The following SEZ6L variants were observed in gnomAD, a reference collection of about 807,000 sequenced individuals.
The protein encoded by SEZ6L is seizure 6-like protein.
Under a neutral mutation model 106.2 loss-of-function variants are expected in SEZ6L, and 37 were observed. The ratio of observed to expected loss-of-function variants is 0.35; its 90% CI spans 0.27 to 0.46. SEZ6L has a LOEUF of 0.46. Among genes scored for constraint, SEZ6L ranks in the 20% least tolerant of loss-of-function variants. The pLI, the probability that SEZ6L is intolerant of heterozygous loss-of-function variation, is 1.00. For synonymous variants in SEZ6L, 541 were observed against 570.4 expected, an observed-to-expected ratio of 0.95 and a Z score of 0.73; for missense variants, 1,172 against 1,332.8, an observed-to-expected ratio of 0.88 and a Z score of 1.88.
Position 26,293,153 on chromosome 22 carries a change from A to G in SEZ6L, c.835+7A>G. On this transcript the variant is annotated splice_region_variant and intron_variant, in intron 2 of 16. Transcript: ENST00000248933. ...ACCACCGAGCAGGCACCAGGTATGC[A>G]GCCCCCAACTCCTGAAGCCATCCTG... 1 of 1,511,126 alleles carries G rather than the reference A, an allele frequency of 6.6e-7. No individual in the cohort carries two copies. The highest frequency in any genetic ancestry group is 8.8e-7 in the Non-Finnish European group (1 of 1,137,744). 93.6% of individuals were successfully genotyped at this position (1,511,126 alleles called of 1,614,324 possible). A position where few individuals can be genotyped will look rare whatever the true frequency, so the allele number is the denominator to read the frequency against.
intron 1 of SEZ6L, among the ~76,000 whole-genome samples, chr22:26,188,132 T>C (rs949052083): frequency 5.3e-5 from 8 of 152,182 alleles, no homozygotes; most frequent in African/African-American, 1.9e-4. Flanking sequence ...GCAAATCTCA[T>C]ATGATTTCCA....
rs1337186248 is a variant in SEZ6L, at chr22:26,380,813, T to G, written c.*518T>G. 1 of 152,956 alleles carries G rather than the reference T, an allele frequency of 6.5e-6. No individual in the cohort carries two copies. Among genetic ancestry groups the G allele is most frequent in the Middle Eastern group, 3.2e-3 (1 of 316 alleles). 9.5% of individuals were successfully genotyped at this position (152,956 alleles called of 1,614,324 possible). On this transcript the variant is annotated 3_prime_UTR_variant, in exon 17 of 17. Transcript: ENST00000248933. The stretch of plus-strand genomic sequence containing the variant: ...AATTCTGTGTCCTCTCTTCCCATTT[T>G]GCCAGCTTCTGAAAGGTTTTTCCAC...
intron 9 of SEZ6L, among the ~76,000 whole-genome samples, chr22:26,323,044 G>A (rs562797398): frequency 6.6e-6 from 1 of 152,320 alleles, no homozygotes; most frequent in Non-Finnish European, 1.5e-5. Flanking sequence ...CCCCAAGTGG[G>A]CAGGTAACTT....
chr22:26,287,057 C>CTTT (rs71192909), intron 1 of SEZ6L, among the ~76,000 whole-genome samples: 1 of 141,498 alleles, frequency 7.1e-6, no homozygotes, highest in Admixed American at 7.1e-5. Context: ...CGAGCTTGTG[C>CTTT]TTTTTTTTTT....
intron 1 of SEZ6L, among the ~76,000 whole-genome samples, chr22:26,274,794 C>G (rs183662315): frequency 1.3e-5 from 2 of 152,182 alleles, no homozygotes; most frequent in African/African-American, 2.4e-5. Context: ...TGTGGCGACA[C>G]CCACAGAGTA....
intron 1 of SEZ6L, among the ~76,000 whole-genome samples, chr22:26,215,197 T>C (rs748947641): frequency 3.3e-5 from 5 of 152,366 alleles, no homozygotes; most frequent in Admixed American, 6.5e-5. Context: ...GAGATCATTG[T>C]AGAGTTTATG....
chr22:26,355,044 G>A (rs888514544), intron 12 of SEZ6L, among the ~76,000 whole-genome samples: 1 of 152,246 alleles, frequency 6.6e-6, no homozygotes, highest in Admixed American at 6.5e-5. Context: ...TGCAGTCTAG[G>A]TTCTGAAGGC....
At chr22:26,356,685 AATAATAATG>A (rs1568938959) in intron 12 of SEZ6L, among the ~76,000 whole-genome samples, 1 of 105,968 alleles carries the variant, frequency 9.4e-6, no homozygotes, top group East Asian at 2.5e-4. Flanking sequence ...TAATAATAAT[AATAATAATG>A]ACAATTGCTG....
rs191557967 is a variant in SEZ6L at position 26,312,640 on chromosome 22, G to A, written c.1876+678G>A. Among the ~76,000 whole-genome samples, 35 of 152,244 alleles carry A rather than the reference G, an allele frequency of 2.3e-4. No individual in the cohort carries two copies. In the East Asian group the frequency reaches 6.6e-3, roughly 29 times the overall value. The stretch of plus-strand genomic sequence containing the variant: ...TTGTTGTTGAGACAGAGACTCGCTC[G>A]GCTCACTGCAGCCTCCGCTTCCCGG... On this transcript the variant is annotated intron_variant, in intron 8 of 16. Coordinates refer to ENST00000248933, the MANE Select transcript of SEZ6L (RefSeq NM_021115.5).
At chr22:26,300,006 T>C (rs1186112978) in intron 5 of SEZ6L, among the ~76,000 whole-genome samples, 4 of 152,194 alleles carry the variant, frequency 2.6e-5, no homozygotes, top group Non-Finnish European at 5.9e-5. Flanking sequence ...ATGTTGTTGT[T>C]TTTATTGTAG....
intron 4 of SEZ6L, 39 bp from the exon 5 acceptor site, chr22:26,298,945 C>T: frequency 2.0e-6 from 3 of 1,510,246 alleles, no homozygotes; most frequent in Non-Finnish European, 2.7e-6. Context: ...ATCTGCCACT[C>T]CAAGTGATGA....
intron 5 of SEZ6L, among the ~76,000 whole-genome samples, chr22:26,302,390 A>T (rs2081483332): frequency 1.3e-5 from 2 of 152,200 alleles, no homozygotes; most frequent in African/African-American, 2.4e-5. Flanking sequence ...ATCTTCAGCT[A>T]TCAAGAGAGC....
intron 9 of SEZ6L, among the ~76,000 whole-genome samples, chr22:26,333,898 T>G (rs2082565486): frequency 6.6e-6 from 1 of 151,946 alleles, no homozygotes; most frequent in African/African-American, 2.4e-5. Flanking sequence ...GAAGGGAATG[T>G]GAAAAGTCCC....
rs143810428 is a variant in SEZ6L at position 26,345,194 on chromosome 22, G to T, written c.2213-2525G>T. ...CTTAGGGTGCTTGGTAAAAATGCAT[G>T]TTCCTGAATCAGGGTCCCTGGGGTA... On this transcript the variant is annotated intron_variant, in intron 10 of 16. Coordinates refer to ENST00000248933, the MANE Select transcript of SEZ6L (RefSeq NM_021115.5). Among the ~76,000 whole-genome samples the T allele has an allele frequency of 5.5e-3, 834 of 152,314 alleles. 1 individual carries two copies. The highest frequency in any genetic ancestry group is 8.0e-3 in the Non-Finnish European group (541 of 68,030).
Position 26,318,154 on chromosome 22 carries a change from ACCTCCGAT to A in SEZ6L, c.2015+4253_2015+4260del, listed in dbSNP as rs564343873. Among the ~76,000 whole-genome samples, 21 of 151,794 alleles carry A rather than the reference ACCTCCGAT, an allele frequency of 1.4e-4. 1 individual carries two copies. The East Asian group carries it at 4.1e-3, about 29-fold the overall frequency. ...AGTGGTGCCATCTCAGCTCACTGCAACCTCCGATTCCTGGGTTCAAGCGATTCTCCTGC... is the reference window on the plus strand; with the variant it reads ...AGTGGTGCCATCTCAGCTCACTGCAATCCTGGGTTCAAGCGATTCTCCTGC... On this transcript the variant is annotated intron_variant, in intron 9 of 16. Transcript: ENST00000248933.
intron 1 of SEZ6L, among the ~76,000 whole-genome samples, chr22:26,239,814 T>C (rs146590727): frequency 2.2e-4 from 33 of 152,242 alleles, no homozygotes; most frequent in African/African-American, 6.7e-4. Flanking sequence ...CCTGCTGGCG[T>C]GACCTTCTGT....
chr22:26,227,703 G>C (rs1225588510), intron 1 of SEZ6L, among the ~76,000 whole-genome samples: 1 of 151,510 alleles, frequency 6.6e-6, no homozygotes, highest in East Asian at 1.9e-4. Flanking sequence ...AGAGGCAGAA[G>C]CCACCACACC....
At chr22:26,335,238 G>T (rs553428727) in intron 9 of SEZ6L, among the ~76,000 whole-genome samples, 1 of 152,290 alleles carries the variant, frequency 6.6e-6, no homozygotes, top group Admixed American at 6.5e-5. Context: ...GAAGAATGAG[G>T]CAGAGAGTAA....
Position 26,216,540 on chromosome 22 carries a change from C to T in SEZ6L, c.94+46777C>T, listed in dbSNP as rs369437790. Among the ~76,000 whole-genome samples, 6 of 152,208 alleles carry T rather than the reference C, an allele frequency of 3.9e-5. No individual in the cohort carries two copies. The East Asian group carries it at 1.2e-3, about 29-fold the overall frequency. ...GTGTAGTGGTGTGCAACTGTAATCCCAGTTAATCAGGAGGCTGAAGCAGGA... is the reference window on the plus strand; with the variant it reads ...GTGTAGTGGTGTGCAACTGTAATCCTAGTTAATCAGGAGGCTGAAGCAGGA... On this transcript the variant is annotated intron_variant, in intron 1 of 16. Coordinates refer to ENST00000248933, the MANE Select transcript of SEZ6L (RefSeq NM_021115.5).
Sources: gnomAD v4.1 joint callset for allele counts (sites outside exome capture counted in the v4.1 genomes callset) on GRCh38, gnomAD v4.1.1 for gene constraint, MANE v1.5 for transcripts, NCBI Gene and HGNC (gene_info 2026-07-23, HGNC 2026-07-21) for gene names.